The following STT3B variants were observed in gnomAD, a reference collection of about 807,000 sequenced individuals.
The protein encoded by STT3B is dolichyl-diphosphooligosaccharide--protein glycosyltransferase subunit STT3B.
STT3B carries 29 observed loss-of-function variants against 96.8 expected under a neutral mutation model. That is an observed-to-expected ratio of 0.30 (90% CI 0.22 to 0.41). The LOEUF is 0.41. Ranked by LOEUF, STT3B falls within the 10% of genes least tolerant of loss-of-function variation. The pLI is 1.00. For synonymous variants in STT3B, 367 were observed against 360.0 expected, an observed-to-expected ratio of 1.02 and a Z score of -0.22; for missense variants, 640 against 1,022.3, an observed-to-expected ratio of 0.63 and a Z score of 5.10.
chr3:31,560,571 A>G (rs1438221304), intron 1 of STT3B, among the ~76,000 whole-genome samples: 3 of 151,914 alleles, frequency 2.0e-5, no homozygotes, highest in Non-Finnish European at 4.4e-5. Context: ...CTTTCAATAC[A>G]TTATCCCTTT....
At chr3:31,629,651 A>G (rs1442883804) in intron 14 of STT3B, among the ~76,000 whole-genome samples, 2 of 152,166 alleles carry the variant, frequency 1.3e-5, no homozygotes, top group Non-Finnish European at 1.5e-5. Flanking sequence ...CTCAAATCCA[A>G]TCTTTGCTTG....
chr3:31,587,459 G>T (rs1037859837), intron 3 of STT3B, among the ~76,000 whole-genome samples: 1 of 151,834 alleles, frequency 6.6e-6, no homozygotes, highest in African/African-American at 2.4e-5. Context: ...GCTCAGGCTG[G>T]TCTTAAACTC....
chr3:31,600,939 G>C (rs1698913685), intron 5 of STT3B, among the ~76,000 whole-genome samples: 1 of 152,006 alleles, frequency 6.6e-6, no homozygotes, highest in Non-Finnish European at 1.5e-5. Flanking sequence ...GTGATGTTTA[G>C]CGGTAGATGA....
At chr3:31,612,558 T>C (rs1699205498) in intron 5 of STT3B, among the ~76,000 whole-genome samples, 1 of 152,234 alleles carries the variant, frequency 6.6e-6, no homozygotes. Context: ...CTGGGCTTTT[T>C]CATTTCCTAT....
intron 5 of STT3B, among the ~76,000 whole-genome samples, chr3:31,605,338 T>A (rs933391827): frequency 3.3e-5 from 5 of 152,182 alleles, no homozygotes; most frequent in Admixed American, 6.5e-5. Context: ...TGTTTTTTTT[T>A]ATAATTTTAA....
chr3:31,560,999 T>C (rs1023473034), intron 1 of STT3B, among the ~76,000 whole-genome samples: 2 of 152,100 alleles, frequency 1.3e-5, no homozygotes, highest in Non-Finnish European at 2.9e-5. Context: ...GTCTAAGTTC[T>C]GAGAGTTTTC....
chr3:31,601,914 G>T (rs145196125), intron 5 of STT3B, among the ~76,000 whole-genome samples: 1 of 152,260 alleles, frequency 6.6e-6, no homozygotes, highest in African/African-American at 2.4e-5. Context: ...ATTTGCTAAA[G>T]ATCATGTAGC....
At chr3:31,569,046 G>C (rs1032312181) in intron 1 of STT3B, among the ~76,000 whole-genome samples, 4 of 152,024 alleles carry the variant, frequency 2.6e-5, no homozygotes, top group African/African-American at 9.7e-5. Context: ...ATCTTGCTCT[G>C]TAACCCAGGC....
intron 1 of STT3B, among the ~76,000 whole-genome samples, chr3:31,560,799 C>G (rs79522949): frequency 0.027 from 4,049 of 152,166 alleles, 181 homozygotes; most frequent in African/African-American, 0.093. Context: ...AAATCTCTTG[C>G]TAGACTTGGG....
intron 9 of STT3B, 76 bp from the exon 10 acceptor site, chr3:31,622,021 A>G (rs1315715816): frequency 4.4e-5 from 16 of 361,488 alleles, no homozygotes; most frequent in African/African-American, 1.1e-4. Flanking sequence ...GGTTGGTTTT[A>G]TAGTTTTAAG....
intron 5 of STT3B, among the ~76,000 whole-genome samples, chr3:31,601,431 G>A (rs1559381830): frequency 6.6e-6 from 1 of 152,164 alleles, no homozygotes; most frequent in Non-Finnish European, 1.5e-5. Context: ...ATACCATTAT[G>A]TAAAAAAGCC....
intron 1 of STT3B, among the ~76,000 whole-genome samples, chr3:31,536,525 T>G (rs909485496): frequency 6.6e-6 from 1 of 152,220 alleles, no homozygotes; most frequent in Non-Finnish European, 1.5e-5. Context: ...TTTCTTTAAA[T>G]TTTACAGTAG....
At chr3:31,558,163 C>T (rs1235133946) in intron 1 of STT3B, among the ~76,000 whole-genome samples, 1 of 152,142 alleles carries the variant, frequency 6.6e-6, no homozygotes, top group Non-Finnish European at 1.5e-5. Flanking sequence ...AATTTGGATG[C>T]CTTTTACTTT....
intron 1 of STT3B, among the ~76,000 whole-genome samples, chr3:31,567,969 G>A (rs1465318660): frequency 6.7e-6 from 1 of 149,554 alleles, no homozygotes; most frequent in Non-Finnish European, 1.5e-5. Flanking sequence ...GTATATTTTT[G>A]TATCCGTTAC....
intron 1 of STT3B, among the ~76,000 whole-genome samples, chr3:31,544,910 C>T (rs369424474): frequency 2.6e-4 from 39 of 152,230 alleles, no homozygotes; most frequent in African/African-American, 9.4e-4. Context: ...GCACTCCAGC[C>T]TGGGTGACAG....
chr3:31,615,777 C>G (rs927448941), intron 6 of STT3B, among the ~76,000 whole-genome samples: 1 of 151,890 alleles, frequency 6.6e-6, no homozygotes, highest in Admixed American at 6.6e-5. Context: ...ATAATACTTA[C>G]TTAACCATTG....
chr3:31,584,907 A>C (rs1394236364), intron 3 of STT3B, among the ~76,000 whole-genome samples: 1 of 152,108 alleles, frequency 6.6e-6, no homozygotes, highest in African/African-American at 2.4e-5. Context: ...TTAAAATTTC[A>C]TTATTACTAA....
intron 1 of STT3B, among the ~76,000 whole-genome samples, chr3:31,542,102 T>C (rs1559357858): frequency 6.6e-6 from 1 of 152,196 alleles, no homozygotes; most frequent in East Asian, 1.9e-4. Context: ...ATTTAATTTT[T>C]CTACAGAAAC....
chr3:31,558,911 C>G (rs1467078010), intron 1 of STT3B, among the ~76,000 whole-genome samples: 1 of 149,354 alleles, frequency 6.7e-6, no homozygotes, highest in African/African-American at 2.5e-5. Flanking sequence ...ATAGGTTATG[C>G]TTATCCAGAA....
Sources: allele counts gnomAD v4.1 joint callset (sites outside exome capture counted in the v4.1 genomes callset), GRCh38; gene constraint gnomAD v4.1.1; transcripts MANE v1.5; gene names NCBI Gene and HGNC (gene_info 2026-07-23, HGNC 2026-07-21).